Variants in WWOX observed in about 807,000 individuals in gnomAD.
WWOX encodes the protein WW domain-containing oxidoreductase.
WWOX carries 69 observed loss-of-function variants against 46.2 expected under a neutral mutation model. That is an observed-to-expected ratio of 1.49 (90% CI 1.23 to 1.82). WWOX has a LOEUF of 1.82. Ranked by LOEUF, WWOX falls within the 40% of genes most tolerant of loss-of-function variation. The pLI is 0.00. For missense variants in WWOX, 919 were observed against 542.6 expected (o/e 1.69, Z -6.89); for synonymous variants, 359 against 202.6 (o/e 1.77, Z -6.56).
At chr16:78,658,115 C>T (rs1331145967) in intron 8 of WWOX, among the ~76,000 whole-genome samples, 1 of 152,064 alleles carries the variant, frequency 6.6e-6, no homozygotes, top group Non-Finnish European at 1.5e-5. Context: ...CACTAGATGC[C>T]AGTAGCATCT....
chr16:79,033,578 GTTAACTAT>G (rs1351976358), intron 8 of WWOX, among the ~76,000 whole-genome samples: 1 of 152,048 alleles, frequency 6.6e-6, no homozygotes, highest in Non-Finnish European at 1.5e-5. Flanking sequence ...TCAACATCAT[GTTAACTAT>G]TTTAAAGTGG....
At chr16:78,420,188 A>G (rs984105574) in intron 6 of WWOX, among the ~76,000 whole-genome samples, 21 of 152,150 alleles carry the variant, frequency 1.4e-4, no homozygotes, top group Admixed American at 1.0e-3. Flanking sequence ...TTGTATGGCC[A>G]AACTGGAAAA....
intron 8 of WWOX, among the ~76,000 whole-genome samples, chr16:78,568,091 C>T (rs558188551): frequency 4.6e-5 from 7 of 152,236 alleles, no homozygotes; most frequent in East Asian, 3.9e-4. Context: ...AGAAGAACGC[C>T]GTCGTAAAAA....
intron 8 of WWOX, among the ~76,000 whole-genome samples, chr16:78,542,506 A>G (rs372146521): frequency 7.2e-5 from 11 of 152,098 alleles, no homozygotes; most frequent in African/African-American, 2.7e-4. Context: ...AGCAAACCAC[A>G]TTGCTTACTA....
chr16:79,144,806 T>TGA (rs78057121), intron 8 of WWOX, among the ~76,000 whole-genome samples: 5 of 152,156 alleles, frequency 3.3e-5, no homozygotes, highest in Admixed American at 2.6e-4. Flanking sequence ...TATGATATTT[T>TGA]GAGAGAGAGA....
rs573988876 is a variant in WWOX, at chr16:78,504,670, C to G, written c.1056+71918C>G. ...GACTCGGTTTATCCTGAACACATCTCTGTGCATCGGGGAGGATGGGAGAAT... is the reference window on the plus strand; with the variant it reads ...GACTCGGTTTATCCTGAACACATCTGTGTGCATCGGGGAGGATGGGAGAAT... On this transcript the variant is annotated intron_variant, in intron 8 of 8. Coordinates refer to ENST00000566780, the MANE Select transcript of WWOX (RefSeq NM_016373.4). 7.2e-5 allele frequency among the ~76,000 whole-genome samples: 11 copies of G among 152,242 alleles called. No homozygotes were observed. The East Asian group carries it at 1.2e-3, about 16-fold the overall frequency.
intron 8 of WWOX, among the ~76,000 whole-genome samples, chr16:79,025,527 A>G (rs188494601): frequency 4.6e-5 from 7 of 152,122 alleles, no homozygotes; most frequent in African/African-American, 1.4e-4. Flanking sequence ...CCCACAAGCC[A>G]GGGAGCACTG....
At chr16:78,757,567 T>C (rs1226632850) in intron 8 of WWOX, among the ~76,000 whole-genome samples, 2 of 152,166 alleles carry the variant, frequency 1.3e-5, no homozygotes, top group Non-Finnish European at 2.9e-5. Context: ...CTTCTATAAG[T>C]GCCGTATTAA....
intron 8 of WWOX, among the ~76,000 whole-genome samples, chr16:79,095,141 A>T (rs1034870031): frequency 2.0e-5 from 3 of 152,216 alleles, no homozygotes; most frequent in Admixed American, 2.0e-4. Context: ...CCAATGCCTT[A>T]GAATCTACTT....
chr16:78,180,866 G>T (rs185541011), intron 5 of WWOX, among the ~76,000 whole-genome samples: 1 of 152,178 alleles, frequency 6.6e-6, no homozygotes, highest in Non-Finnish European at 1.5e-5. Flanking sequence ...CGTCCGGACT[G>T]TGCTTGAGGG....
intron 8 of WWOX, among the ~76,000 whole-genome samples, chr16:78,821,501 A>ATC (rs2051492551): frequency 6.6e-6 from 1 of 152,212 alleles, no homozygotes; most frequent in South Asian, 2.1e-4. Context: ...CCATTGTGTA[A>ATC]TCTTCACAGT....
In WWOX at chr16:78,271,535, G is replaced by T. The variant is rs368378564; in HGVS notation, c.516+107246G>T. ...CAGAATTTTCAAGATGTGGATGTAG[G>T]CAGGGAGCCTATGTAGTAATTCAAG... On this transcript the variant is annotated intron_variant, in intron 5 of 8. Coordinates refer to ENST00000566780, the MANE Select transcript of WWOX (RefSeq NM_016373.4). 3.9e-5 allele frequency among the ~76,000 whole-genome samples: 6 copies of T among 152,314 alleles called. No individual in the cohort carries two copies. The East Asian group carries it at 1.2e-3, about 29-fold the overall frequency.
rs572160556 is a variant in WWOX, at chr16:78,985,492, A to G, written c.1057-226116A>G. Among the ~76,000 whole-genome samples, 10 of 152,314 alleles carry G rather than the reference A, an allele frequency of 6.6e-5. No individual in the cohort carries two copies. The East Asian group carries it at 1.7e-3, about 27-fold the overall frequency. The stretch of plus-strand genomic sequence containing the variant: ...CTGCACTACATTCAGAATAGGGGCC[A>G]GGCGCGGTGGCTCACGCTGTAATCC... On this transcript the variant is annotated intron_variant, in intron 8 of 8. Transcript: ENST00000566780.
At chr16:79,133,101 C>T (rs1437157967) in intron 8 of WWOX, among the ~76,000 whole-genome samples, 1 of 152,178 alleles carries the variant, frequency 6.6e-6, no homozygotes, top group Admixed American at 6.5e-5. Flanking sequence ...TTTCTAGTTT[C>T]TTCGTCTTAC....
chr16:78,562,630 A>G (rs1192719980), intron 8 of WWOX, among the ~76,000 whole-genome samples: 1 of 152,174 alleles, frequency 6.6e-6, no homozygotes, highest in Non-Finnish European at 1.5e-5. Flanking sequence ...CTGTTTCCAT[A>G]CATAGCTCTT....
chr16:78,732,586 G>T (rs551029339), intron 8 of WWOX, among the ~76,000 whole-genome samples: 1 of 152,280 alleles, frequency 6.6e-6, no homozygotes, highest in South Asian at 2.1e-4. Flanking sequence ...ATTTGATAAA[G>T]ATGTGGTAAC....
intron 5 of WWOX, among the ~76,000 whole-genome samples, chr16:78,322,972 T>C (rs889305289): frequency 3.3e-5 from 5 of 152,200 alleles, no homozygotes; most frequent in African/African-American, 1.2e-4. Context: ...CTACAAACAC[T>C]GGCATTGGGT....
intron 8 of WWOX, among the ~76,000 whole-genome samples, chr16:79,043,780 G>A (rs1324618059): frequency 6.6e-6 from 1 of 152,122 alleles, no homozygotes. Flanking sequence ...TTCTTTCTCT[G>A]GTCCTCAGTT....
intron 8 of WWOX, among the ~76,000 whole-genome samples, chr16:79,077,064 A>C (rs1161047381): frequency 6.6e-6 from 1 of 152,156 alleles, no homozygotes; most frequent in Admixed American, 6.5e-5. Flanking sequence ...TCCACGTAAT[A>C]ATTTGTCCAG....
Sources: gnomAD v4.1 joint callset for allele counts (sites outside exome capture counted in the v4.1 genomes callset) on GRCh38, gnomAD v4.1.1 for gene constraint, MANE v1.5 for transcripts, NCBI Gene and HGNC (gene_info 2026-07-23, HGNC 2026-07-21) for gene names.